Variants in SLIT2 observed in about 807,000 individuals in gnomAD.
SLIT2 encodes the protein slit guidance ligand 2, also known as slit homolog 2 protein.
A neutral mutation model predicts 185.7 loss-of-function variants in SLIT2; 41 were observed. The ratio of observed to expected loss-of-function variants is 0.22; its 90% CI spans 0.17 to 0.29. The LOEUF (loss-of-function observed/expected upper bound fraction) is 0.29. SLIT2 is among the 10% of genes least tolerant of loss of function. The pLI, the probability that SLIT2 is intolerant of heterozygous loss-of-function variation, is 1.00. For synonymous variants in SLIT2, 693 were observed against 680.2 expected (o/e 1.02, Z -0.29); for missense variants, 1,571 against 1,909.0 (o/e 0.82, Z 3.30).
chr4:20,598,183 C>A, intron 32 of SLIT2, 82 bp from the exon 33 acceptor site: 1 of 1,334,156 alleles, frequency 7.5e-7, no homozygotes, highest in Non-Finnish European at 1.0e-6. Flanking sequence ...AAAACCTGTT[C>A]ACCTCACTTA....
chr4:20,565,653 A>C (rs1228837594), intron 26 of SLIT2, among the ~76,000 whole-genome samples: 1 of 151,902 alleles, frequency 6.6e-6, no homozygotes, highest in Non-Finnish European at 1.5e-5. Flanking sequence ...TCCTTTAGTT[A>C]TTGTAGTTAC....
At chr4:20,506,792 T>A (rs538896193) in intron 9 of SLIT2, among the ~76,000 whole-genome samples, 15 of 152,114 alleles carry the variant, frequency 9.9e-5, no homozygotes, top group African/African-American at 3.6e-4. Context: ...TTGTTTGACA[T>A]CTGTCCATGG....
chr4:20,404,954 TTA>T (rs1726661659), intron 4 of SLIT2, among the ~76,000 whole-genome samples: 1 of 151,998 alleles, frequency 6.6e-6, no homozygotes, highest in South Asian at 2.1e-4. Flanking sequence ...GGAGTATGAT[TTA>T]TAACATTTTT....
At chr4:20,570,756 T>C (rs7655615) in intron 29 of SLIT2, among the ~76,000 whole-genome samples, 39,292 of 139,700 alleles carry the variant, frequency 0.28, 5,864 homozygotes, top group Non-Finnish European at 0.32. Flanking sequence ...TATATATATA[T>C]ATATATTTCC....
chr4:20,570,610 T>C (rs1397079638), intron 29 of SLIT2, among the ~76,000 whole-genome samples: 1 of 151,122 alleles, frequency 6.6e-6, no homozygotes, highest in Non-Finnish European at 1.5e-5. Context: ...AGAACCCAGT[T>C]AATTTTGGAG....
At chr4:20,465,589 T>C (rs1714250839) in intron 4 of SLIT2, among the ~76,000 whole-genome samples, 1 of 152,154 alleles carries the variant, frequency 6.6e-6, no homozygotes, top group Non-Finnish European at 1.5e-5. Context: ...ATAAGGAGGC[T>C]CTGAGCAAGA....
intron 4 of SLIT2, among the ~76,000 whole-genome samples, chr4:20,459,270 A>G (rs753157228): frequency 6.6e-6 from 1 of 152,226 alleles, no homozygotes; most frequent in Non-Finnish European, 1.5e-5. Flanking sequence ...AAAGACATAC[A>G]TAGAAGAGAT....
rs146789217 is a variant in SLIT2, at chr4:20,498,569, G to A, written c.914+6670G>A. On this transcript the variant is annotated intron_variant, in intron 9 of 36. Transcript: ENST00000504154. The stretch of plus-strand genomic sequence containing the variant: ...TCAATCTAGTTATAGATTTCCTGTG[G>A]CATATTGCCTTTTCAAACCATTATA... Among the ~76,000 whole-genome samples, 131 of 152,248 alleles carry A rather than the reference G, an allele frequency of 8.6e-4. 1 individual carries two copies. The highest frequency in any genetic ancestry group is 3.0e-3 in the African/African-American group (125 of 41,526).
chr4:20,416,950 C>T (rs1480036115), intron 4 of SLIT2, among the ~76,000 whole-genome samples: 1 of 144,994 alleles, frequency 6.9e-6, no homozygotes, highest in Non-Finnish European at 1.5e-5. Context: ...TTTTTTAAAA[C>T]TGCTATCAAA....
Position 20,252,201 on chromosome 4 carries a change from G to A in SLIT2, c.-1615G>A, listed in dbSNP as rs1334637919. On this transcript the variant is annotated 5_prime_UTR_variant, in exon 1 of 37. Transcript: ENST00000504154. ...ACGCTGAGCGCCAGTCAGCCCCAGC[G>A]AACAACTCCAGTTACGACAACAACC... 1.3e-5 allele frequency among the ~76,000 whole-genome samples: 2 copies of A among 152,096 alleles called. No individual in the cohort carries two copies. The highest frequency in any genetic ancestry group is 6.5e-5 in the Admixed American group (1 of 15,288).
intron 4 of SLIT2, among the ~76,000 whole-genome samples, chr4:20,309,661 A>C (rs1324820710): frequency 6.6e-6 from 1 of 151,926 alleles, no homozygotes; most frequent in Non-Finnish European, 1.5e-5. Context: ...CTTTAAATTA[A>C]TTGATTAAAA....
In SLIT2 at chr4:20,515,689, TTATAAG is replaced by T. The variant is rs757860726; in HGVS notation, c.1059-3687_1059-3682del. Among the ~76,000 whole-genome samples the T allele has an allele frequency of 7.1e-3, 1,077 of 152,340 alleles. 13 individuals carry two copies. The highest frequency in any genetic ancestry group is 0.024 in the African/African-American group (1,013 of 41,582). On this transcript the variant is annotated intron_variant, in intron 11 of 36. Transcript: ENST00000504154. The stretch of plus-strand genomic sequence containing the variant: ...TTCAAATGTATACATTTAAAAAAAT[TTATAAG>T]TATAATTTCCTTGACATTTTTTTGA...
chr4:20,445,943 C>G (rs974251203), intron 4 of SLIT2, among the ~76,000 whole-genome samples: 1 of 152,164 alleles, frequency 6.6e-6, no homozygotes, highest in Non-Finnish European at 1.5e-5. Context: ...ATACATGTTA[C>G]TGAGGCTTCT....
In SLIT2 at chr4:20,569,187, C is replaced by G. The variant is rs186398046; in HGVS notation, c.3088+183C>G. Reference sequence around the variant, plus strand: ...TAGTTTCAGCTAACCAAATAAAAGACCCAGGAATCTCTGTTCAAACATACG... The same window carrying G: ...TAGTTTCAGCTAACCAAATAAAAGAGCCAGGAATCTCTGTTCAAACATACG... On this transcript the variant is annotated intron_variant, in intron 29 of 36. Coordinates refer to ENST00000504154, the MANE Select transcript of SLIT2 (RefSeq NM_004787.4). The G allele has an allele frequency of 1.5e-4, 90 of 589,580 alleles. No individual in the cohort carries two copies. In the Admixed American group the frequency reaches 1.7e-3, roughly 11 times the overall value. 36.5% of individuals were successfully genotyped at this position (589,580 alleles called of 1,614,324 possible). A position where few individuals can be genotyped will look rare whatever the true frequency, so the allele number is the denominator to read the frequency against.
At chr4:20,591,061 G>A (rs953824366) in intron 30 of SLIT2, among the ~76,000 whole-genome samples, 16 of 152,178 alleles carry the variant, frequency 1.1e-4, no homozygotes, top group African/African-American at 3.4e-4. Flanking sequence ...AGCATTATCT[G>A]TTCCTTCAAG....
At chr4:20,377,230 GA>G (rs1467366164) in intron 4 of SLIT2, among the ~76,000 whole-genome samples, 1 of 151,966 alleles carries the variant, frequency 6.6e-6, no homozygotes, top group Non-Finnish European at 1.5e-5. Context: ...TTCTCAAATA[GA>G]AAAATGTTAT....
At chr4:20,361,712 T>C (rs943824342) in intron 4 of SLIT2, among the ~76,000 whole-genome samples, 2 of 152,128 alleles carry the variant, frequency 1.3e-5, no homozygotes, top group Non-Finnish European at 1.5e-5. Context: ...GCTAATACCT[T>C]TAAAGATTCT....
intron 4 of SLIT2, among the ~76,000 whole-genome samples, chr4:20,379,432 TTAA>T (rs1318202489): frequency 5.3e-5 from 8 of 152,276 alleles, no homozygotes; most frequent in African/African-American, 1.9e-4. Flanking sequence ...TATCCAACTA[TTAA>T]TGATAGTAAG....
chr4:20,268,676 G>A (rs1713288308), intron 3 of SLIT2, 134 bp from the exon 4 acceptor site: 2 of 680,890 alleles, frequency 2.9e-6, no homozygotes, highest in South Asian at 1.7e-5. Context: ...CTTTTGATTT[G>A]CAATGCTTGA....
Sources: gnomAD v4.1 joint callset for allele counts (sites outside exome capture counted in the v4.1 genomes callset) on GRCh38, gnomAD v4.1.1 for gene constraint, MANE v1.5 for transcripts, NCBI Gene and HGNC (gene_info 2026-07-23, HGNC 2026-07-21) for gene names.